ASAP3: variants seen among roughly 807,000 people sequenced by gnomAD.
The protein encoded by ASAP3 is arf-GAP with SH3 domain, ANK repeat and PH domain-containing protein 3.
In ASAP3, 85 loss-of-function variants were observed where a neutral mutation model predicts 118.2. That is an observed-to-expected ratio of 0.72 (90% CI 0.60 to 0.86). The LOEUF (loss-of-function observed/expected upper bound fraction) is 0.86. ASAP3 is among the 40% of genes least tolerant of loss of function. The pLI is 0.00. For missense variants in ASAP3, 1,026 were observed against 1,175.0 expected (o/e 0.87, Z 1.85); for synonymous variants, 432 against 477.4 (o/e 0.90, Z 1.24).
At position 23,442,207 on chromosome 1, in the gene ASAP3, TTGA is replaced by T. The variant is rs1558129697; in HGVS notation, c.647_649del (p.Ile216del). On this transcript the variant is annotated inframe_deletion, in exon 7 of 25. Coordinates refer to ENST00000336689, the MANE Select transcript of ASAP3 (RefSeq NM_017707.4). ...CTACTTGTGCTGGGCGTGGAAGAAC[TTGA>T]TGAGGCTCTGAAGGAAGTCAGGACC... 6.2e-7 allele frequency: 1 copy of T among 1,604,524 alleles called. No homozygotes were observed. The highest frequency in any genetic ancestry group is 1.1e-5 in the South Asian group (1 of 88,498).
intron 3 of ASAP3, among the ~76,000 whole-genome samples, chr1:23,453,231 A>T (rs1641280713): frequency 6.6e-6 from 1 of 152,138 alleles, no homozygotes; most frequent in African/African-American, 2.4e-5. Flanking sequence ...GGGCTGGCTA[A>T]CGCTTCAGAG....
At chr1:23,482,951 CA>C (rs142019878) in intron 1 of ASAP3, among the ~76,000 whole-genome samples, 179 of 132,836 alleles carry the variant, frequency 1.3e-3, no homozygotes, top group Admixed American at 2.6e-3. Context: ...GACTCCGTCT[CA>C]AAAAAAAAAA....
Position 23,437,062 on chromosome 1 carries a change from T to TG in ASAP3, c.1343-19dup. On this transcript the variant is annotated intron_variant, in intron 14 of 24. Transcript: ENST00000336689. The surrounding 1 kb of genome is among the most constrained non-coding windows in gnomAD (Gnocchi z 6.1). The stretch of plus-strand genomic sequence containing the variant: ...CGTGGGGTCTGCAGAGGAAAGCAGC[T>TG]GGAGCCTGGAGGTGCAGCCCCTCCC... 1 of 1,606,274 alleles carries TG rather than the reference T, an allele frequency of 6.2e-7. No homozygotes were observed.
Position 23,462,180 on chromosome 1 carries a change from C to T in ASAP3, c.130-5986G>A, listed in dbSNP as rs572411109. Among the ~76,000 whole-genome samples the T allele has an allele frequency of 3.9e-5, 6 of 152,038 alleles. No individual in the cohort carries two copies. In the South Asian group the frequency reaches 6.2e-4, roughly 16 times the overall value. On this transcript the variant is annotated intron_variant, in intron 1 of 24. Coordinates refer to ENST00000336689, the MANE Select transcript of ASAP3 (RefSeq NM_017707.4). Reference sequence around the variant, plus strand: ...CTGGGACTATAGGCGCCCGCCACCACGCCCGGCTAATTTTTTGTATTTTTT... The same window carrying T: ...CTGGGACTATAGGCGCCCGCCACCATGCCCGGCTAATTTTTTGTATTTTTT...
intron 1 of ASAP3, among the ~76,000 whole-genome samples, chr1:23,470,865 A>G (rs1641941349): frequency 6.6e-6 from 1 of 152,156 alleles, no homozygotes; most frequent in African/African-American, 2.4e-5. Flanking sequence ...GCCTCTGCAA[A>G]CCCCAAGTTT....
intron 1 of ASAP3, among the ~76,000 whole-genome samples, chr1:23,464,663 A>T (rs1193169221): frequency 9.4e-5 from 1 of 10,670 alleles, no homozygotes; most frequent in African/African-American, 1.4e-4. Context: ...CTGTCTTAAA[A>T]AAAAAAAAAA....
At chr1:23,458,266 A>T (rs1014362997) in intron 1 of ASAP3, among the ~76,000 whole-genome samples, 1 of 152,202 alleles carries the variant, frequency 6.6e-6, no homozygotes, top group African/African-American at 2.4e-5. Flanking sequence ...GGATCACTTG[A>T]GGCCAGGAGT....
chr1:23,458,104 G>C (rs2148640408), intron 1 of ASAP3, among the ~76,000 whole-genome samples: 1 of 152,286 alleles, frequency 6.6e-6, no homozygotes, highest in South Asian at 2.1e-4. Flanking sequence ...TCATATTTGA[G>C]ATCCGTGGAG....
chr1:23,430,070 G>T, intron 24 of ASAP3, 140 bp from the exon 25 acceptor site: 1 of 743,604 alleles, frequency 1.3e-6, no homozygotes, highest in Non-Finnish European at 2.1e-6. Flanking sequence ...GAGGCTTGAG[G>T]AAGTGAAGCC....
At chr1:23,446,822 A>G (rs1641060891) in intron 5 of ASAP3, among the ~76,000 whole-genome samples, 1 of 152,024 alleles carries the variant, frequency 6.6e-6, no homozygotes, top group African/African-American at 2.4e-5. Flanking sequence ...TGGAACATCA[A>G]TCATCCTTTT....
intron 10 of ASAP3, among the ~76,000 whole-genome samples, chr1:23,440,269 A>G (rs1433846730): frequency 2.7e-5 from 4 of 150,372 alleles, no homozygotes; most frequent in African/African-American, 9.7e-5. Context: ...TGGGAGGCTG[A>G]GGCTGGCAGA....
At position 23,437,386 on chromosome 1, in the gene ASAP3, C is replaced by T. The variant is rs1640713544; in HGVS notation, c.1151+38G>A. On this transcript the variant is annotated intron_variant, in intron 13 of 24. Transcript: ENST00000336689. This position sits in a 1 kb window ranked among gnomAD's most constrained non-coding sequence, Gnocchi z 6.1. The stretch of plus-strand genomic sequence containing the variant: ...GAAGAGATAGGGCCGCCGGCCCCCA[C>T]CCACAAGGCTGGCCGGGCTGGCCGA... 1.2e-6 allele frequency: 2 copies of T among 1,611,978 alleles called. No individual in the cohort carries two copies. The highest frequency in any genetic ancestry group is 1.7e-6 in the Non-Finnish European group (2 of 1,178,934).
intron 1 of ASAP3, among the ~76,000 whole-genome samples, chr1:23,471,732 C>A (rs2148658230): frequency 6.6e-6 from 1 of 152,280 alleles, no homozygotes; most frequent in African/African-American, 2.4e-5. Context: ...TCTAATCAGA[C>A]TGAACTCAGT....
In ASAP3 at chr1:23,451,517, T is replaced by A; in HGVS notation, c.435A>T (p.Lys145Asn). ...QLRDGRQDSKKQLEKAWKDYE... is the reference protein window; with the variant it reads ...QLRDGRQDSKNQLEKAWKDYE... ...AGTCCTTCCATGCCTTCTCCAGCTG[T>A]TTTTTGGAATCCTGTGGGTTAAAAA... is the stretch of plus-strand genomic sequence containing the variant. The change falls in exon 5 of 25, where the codon AAA (lysine) becomes AAT (asparagine). Residue 145 changes from lysine (K) to asparagine (N), a missense_variant. By Grantham distance (94) the Lys-to-Asn change is moderately conservative. Transcript: ENST00000336689. 6.2e-7 allele frequency: 1 copy of A among 1,614,096 alleles called. No individual in the cohort carries two copies. The highest frequency in any genetic ancestry group is 8.5e-7 in the Non-Finnish European group (1 of 1,179,972).
chr1:23,478,831 TGA>T (rs1005161097), intron 1 of ASAP3, among the ~76,000 whole-genome samples: 2 of 152,096 alleles, frequency 1.3e-5, no homozygotes, highest in African/African-American at 4.8e-5. Flanking sequence ...CTTCTATACC[TGA>T]GAGTATGCAT....
At chr1:23,463,976 G>A (rs1641677068) in intron 1 of ASAP3, among the ~76,000 whole-genome samples, 1 of 152,040 alleles carries the variant, frequency 6.6e-6, no homozygotes. Context: ...CATGAGTATG[G>A]TTCTTACTGT....
chr1:23,446,399 T>A (rs866511881), intron 5 of ASAP3, among the ~76,000 whole-genome samples: 3 of 151,934 alleles, frequency 2.0e-5, no homozygotes, highest in South Asian at 4.2e-4. Context: ...AAATATTAAA[T>A]GGAAAATTCC....
chr1:23,432,640 T>C (rs755633342), intron 22 of ASAP3, among the ~76,000 whole-genome samples: 3 of 152,226 alleles, frequency 2.0e-5, no homozygotes, highest in Admixed American at 6.5e-5. Context: ...ACTGGACAAA[T>C]AGTATTCAAT....
intron 3 of ASAP3, among the ~76,000 whole-genome samples, chr1:23,454,413 T>C (rs1374923607): frequency 2.0e-5 from 3 of 152,308 alleles, no homozygotes; most frequent in South Asian, 2.1e-4. Context: ...CTCGAATCTC[T>C]GACCTCAAGT....
Sources: allele counts gnomAD v4.1 joint callset (sites outside exome capture counted in the v4.1 genomes callset), GRCh38; gene constraint gnomAD v4.1.1; non-coding constraint Gnocchi (gnomAD v3.1); transcripts MANE v1.5; gene names NCBI Gene and HGNC (gene_info 2026-07-23, HGNC 2026-07-21).